ARPP19: variants seen among roughly 807,000 people sequenced by gnomAD.
ARPP19 encodes the protein cAMP regulated phosphoprotein 19, also known as cAMP-regulated phosphoprotein 19.
ARPP19 carries 8 observed loss-of-function variants against 12.0 expected under a neutral mutation model. That is an observed-to-expected ratio of 0.67 (90% CI 0.39 to 1.21). The LOEUF (loss-of-function observed/expected upper bound fraction) is 1.21, where lower values mean the gene tolerates loss of function less well. Ranked by LOEUF, ARPP19 falls within the 50% of genes most tolerant of loss-of-function variation. ARPP19 has a pLI of 0.01. For missense variants in ARPP19, 102 were observed against 136.3 expected (o/e 0.75, Z 1.25); for synonymous variants, 47 against 50.4 (o/e 0.93, Z 0.29).
chr15:52,568,720 G>A, intron 1 of ARPP19, 128 bp downstream of exon 1: 1 of 567,962 alleles, frequency 1.8e-6, no homozygotes, highest in Non-Finnish European at 3.0e-6. Flanking sequence ...CCAAAGGTGG[G>A]GCGCAGGAGC....
Position 52,548,029 on chromosome 15 carries a change from C to T in ARPP19, c.*3905G>A, listed in dbSNP as rs2077894008. The T allele has an allele frequency of 6.6e-6, 1 of 152,208 alleles. No individual in the cohort carries two copies. The highest frequency in any genetic ancestry group is 1.5e-5 in the Non-Finnish European group (1 of 68,040). 9.4% of individuals were successfully genotyped at this position (152,208 alleles called of 1,614,324 possible). A position where few individuals can be genotyped will look rare whatever the true frequency, so the allele number is the denominator to read the frequency against. ...GCTTTAGTTATCACTCAGAAGTGCT[C>T]TTCCCATTGGCTACCTGCTTCTGAT... On this transcript the variant is annotated 3_prime_UTR_variant, in exon 3 of 3. Transcript: ENST00000249822.
chr15:52,562,512 T>G (rs556382059), intron 1 of ARPP19, among the ~76,000 whole-genome samples: 2 of 152,006 alleles, frequency 1.3e-5, no homozygotes, highest in African/African-American at 4.8e-5. Context: ...CAAAAAAAAT[T>G]TAAAAATTAG....
At chr15:52,564,284 C>G (rs1472179307) in intron 1 of ARPP19, 8 of 1,463,372 alleles carry the variant, frequency 5.5e-6, no homozygotes, top group South Asian at 1.2e-5. Context: ...GGCGGTTGCT[C>G]ACACCTGCAG....
chr15:52,559,832 T>TG (rs1306917564), intron 1 of ARPP19, among the ~76,000 whole-genome samples: 1 of 152,168 alleles, frequency 6.6e-6, no homozygotes, highest in Non-Finnish European at 1.5e-5. Flanking sequence ...GGCCTACTCT[T>TG]GGGTTTCCCT....
intron 1 of ARPP19, among the ~76,000 whole-genome samples, chr15:52,561,807 G>C (rs556240203): frequency 2.0e-5 from 3 of 151,458 alleles, no homozygotes; most frequent in African/African-American, 7.2e-5. Context: ...GCCACTTGTG[G>C]AGTACACATT....
intron 2 of ARPP19, among the ~76,000 whole-genome samples, chr15:52,553,147 T>C (rs1203914236): frequency 6.6e-6 from 1 of 152,186 alleles, no homozygotes. Context: ...TGGTATTCTG[T>C]TATTTAGAAC....
intron 2 of ARPP19, among the ~76,000 whole-genome samples, chr15:52,554,208 A>C (rs1441740722): frequency 6.6e-6 from 1 of 152,198 alleles, no homozygotes; most frequent in Non-Finnish European, 1.5e-5. Context: ...TTCTAATGTA[A>C]GTAATTTTAT....
intron 1 of ARPP19, among the ~76,000 whole-genome samples, chr15:52,562,772 C>A: frequency 6.6e-6 from 1 of 151,338 alleles, no homozygotes; most frequent in East Asian, 1.9e-4. Context: ...AAGAAAGGAG[C>A]CCAAAGAAAA....
chr15:52,568,585 G>A (rs940412548), intron 1 of ARPP19: 2 of 429,456 alleles, frequency 4.7e-6, no homozygotes, highest in African/African-American at 4.2e-5. Flanking sequence ...GGGCTCTCGC[G>A]TAAATATAAG....
Position 52,557,128 on chromosome 15 carries a change from T to G in ARPP19, c.140A>C (p.Asp47Ala). 6.2e-7 allele frequency: 1 copy of G among 1,612,380 alleles called. No individual in the cohort carries two copies. Among genetic ancestry groups the G allele is most frequent in the South Asian group, 1.1e-5 (1 of 91,008 alleles). ...TTTCTGCAACCGTTTCCTTAAGAAA[T>G]CTGAACCTCCAGGCTTTTGTCCCAG... ...PHLGQKPGGS[D>A]FLRKRLQKGQ... is the part of the protein sequence containing the mutation. The change falls in exon 2 of 3, where the codon GAT becomes GCT. Residue 47 changes from aspartate to alanine, a missense_variant. Asp to Ala is a moderately radical substitution (Grantham distance 126). Transcript: ENST00000249822.
chr15:52,566,736 G>C (rs768380836), intron 1 of ARPP19, among the ~76,000 whole-genome samples: 25 of 152,278 alleles, frequency 1.6e-4, no homozygotes, highest in Non-Finnish European at 3.7e-4. Flanking sequence ...ACGCCTGGCT[G>C]TTTTAGTCTT....
chr15:52,564,276 C>G (rs559030409), intron 1 of ARPP19: 3 of 1,504,144 alleles, frequency 2.0e-6, no homozygotes, highest in East Asian at 4.9e-5. Context: ...ATGGATGAGG[C>G]GGTTGCTCAC....
intron 1 of ARPP19, chr15:52,564,391 G>A (rs943673732): frequency 6.2e-5 from 38 of 610,308 alleles, no homozygotes; most frequent in Admixed American, 2.3e-4. Context: ...CAGCCTGGGC[G>A]ACAGAGTAAG....
intron 1 of ARPP19, among the ~76,000 whole-genome samples, chr15:52,562,297 C>A (rs2078041008): frequency 6.6e-6 from 1 of 152,078 alleles, no homozygotes; most frequent in South Asian, 2.1e-4. Context: ...GGCCATAAAG[C>A]AAATCTTAAC....
In ARPP19 at chr15:52,557,186, C is replaced by T; in HGVS notation, c.82G>A (p.Glu28Lys). The change falls in exon 2 of 3, where the codon GAA becomes AAA. Residue 28 changes from glutamate to lysine, a missense_variant. Coordinates refer to ENST00000249822, the MANE Select transcript of ARPP19 (RefSeq NM_006628.6). ...EDKVTSPEKA[E>K]EAKLKARYPH... ...TATCTTGCTTTTAATTTTGCTTCTT[C>T]TGCTTTCTCTGGACTAGTCACTTTA... The T allele has an allele frequency of 6.2e-7, 1 of 1,610,356 alleles. No homozygotes were observed. The highest frequency in any genetic ancestry group is 8.5e-7 in the Non-Finnish European group (1 of 1,177,058).
At chr15:52,558,349 C>G (rs1407605687) in intron 1 of ARPP19, among the ~76,000 whole-genome samples, 3 of 151,742 alleles carry the variant, frequency 2.0e-5, no homozygotes, top group African/African-American at 7.3e-5. Context: ...ACTCAAAAGG[C>G]TGAGGCAAAA....
chr15:52,562,396 A>G (rs761305518), intron 1 of ARPP19, among the ~76,000 whole-genome samples: 1 of 152,212 alleles, frequency 6.6e-6, no homozygotes, highest in Non-Finnish European at 1.5e-5. Flanking sequence ...TTAGAAATTA[A>G]AAACATACTT....
At chr15:52,564,291 G>A (rs1308664016) in intron 1 of ARPP19, 2 of 1,383,300 alleles carry the variant, frequency 1.4e-6, no homozygotes, top group Non-Finnish European at 2.0e-6. Flanking sequence ...GCTCACACCT[G>A]CAGTCCCAGC....
intron 1 of ARPP19, among the ~76,000 whole-genome samples, chr15:52,565,620 T>C (rs2078074215): frequency 1.3e-5 from 2 of 152,172 alleles, no homozygotes; most frequent in African/African-American, 2.4e-5. Context: ...GAACTTAAAA[T>C]GTGATTGTAT....
Sources: gnomAD v4.1 joint callset for allele counts (sites outside exome capture counted in the v4.1 genomes callset) on GRCh38, gnomAD v4.1.1 for gene constraint, MANE v1.5 for transcripts, NCBI Gene and HGNC (gene_info 2026-07-23, HGNC 2026-07-21) for gene names.